The following FAAH2 variants were observed in gnomAD, a reference collection of about 807,000 sequenced individuals.
FAAH2 encodes fatty acid amide hydrolase 2.
Under a neutral mutation model 36.9 loss-of-function variants are expected in FAAH2, and 60 were observed. The ratio of observed to expected loss-of-function variants is 1.63; its 90% CI spans 1.32 to 2.02. The LOEUF (loss-of-function observed/expected upper bound fraction) is 2.02. Ranked by LOEUF, FAAH2 falls within the 30% of genes most tolerant of loss-of-function variation. The pLI is 0.00. For missense variants in FAAH2, 689 were observed against 397.5 expected (o/e 1.73, Z -6.23); for synonymous variants, 214 against 143.8 (o/e 1.49, Z -3.49).
At chrX:57,145,524 G>A in the FAAH2 span, among the ~76,000 whole-genome samples, 3 of 112,039 alleles carry the variant, frequency 2.7e-5, no homozygotes, top group African/African-American at 9.7e-5. Context: ...TTACTCTGAT[G>A]ACTGTTCCTT....
intron 5 of FAAH2, among the ~76,000 whole-genome samples, chrX:57,367,644 G>A (rs2054450854): frequency 1.8e-5 from 2 of 111,818 alleles, no homozygotes; most frequent in South Asian, 3.7e-4. Flanking sequence ...GCTCAGGATG[G>A]CTTCATAGAC....
At chrX:57,325,631 G>T (rs1019805822) in intron 3 of FAAH2, among the ~76,000 whole-genome samples, 1 of 98,170 alleles carries the variant, frequency 1.0e-5, no homozygotes, top group Non-Finnish European at 2.0e-5. Context: ...TTGCATACAG[G>T]TGTTTATAGT....
At chrX:57,203,590 C>T in the FAAH2 span, among the ~76,000 whole-genome samples, 5 of 112,022 alleles carry the variant, frequency 4.5e-5, no homozygotes, top group East Asian at 5.6e-4. Context: ...AGCTACTTCT[C>T]GCAGGAGTCG....
chrX:57,469,655 C>A (rs1446834072), intron 10 of FAAH2, among the ~76,000 whole-genome samples: 1 of 111,634 alleles, frequency 9.0e-6, no homozygotes, highest in East Asian at 2.8e-4. Flanking sequence ...TAATGGGAGA[C>A]TTTAACACCC....
At chrX:57,423,811 C>A (rs1484438517) in intron 7 of FAAH2, among the ~76,000 whole-genome samples, 1 of 111,041 alleles carries the variant, frequency 9.0e-6, no homozygotes, top group Non-Finnish European at 1.9e-5. Flanking sequence ...CAGGACCACG[C>A]CCCCAGGGAG....
the FAAH2 span, among the ~76,000 whole-genome samples, chrX:57,151,566 T>C: frequency 2.7e-5 from 3 of 112,352 alleles, no homozygotes; most frequent in African/African-American, 6.5e-5. Flanking sequence ...TCCTGAGTCT[T>C]CTGCATTGTT....
intron 7 of FAAH2, among the ~76,000 whole-genome samples, chrX:57,427,943 T>G (rs1316449786): frequency 1.8e-5 from 2 of 111,587 alleles, no homozygotes; most frequent in East Asian, 5.6e-4. Context: ...CCCTCTGAAT[T>G]TAAAAAGAAG....
intron 10 of FAAH2, among the ~76,000 whole-genome samples, chrX:57,477,693 A>T (rs1411155228): frequency 9.9e-6 from 1 of 100,944 alleles, no homozygotes; most frequent in Non-Finnish European, 2.0e-5. Flanking sequence ...CCTGTGCCCA[A>T]GTGTTCTCAT....
chrX:57,204,538 C>T, the FAAH2 span, among the ~76,000 whole-genome samples: 2 of 111,881 alleles, frequency 1.8e-5, no homozygotes, highest in African/African-American at 6.5e-5. Context: ...TTTCAGGTGG[C>T]TTGATGGTAT....
chrX:57,359,983 T>C (rs2054249847), intron 5 of FAAH2, among the ~76,000 whole-genome samples: 1 of 109,515 alleles, frequency 9.1e-6, no homozygotes, highest in Non-Finnish European at 1.9e-5. Context: ...TTTTTTTTTT[T>C]CTCAGCCCTT....
chrX:57,275,564 A>G, the FAAH2 span, among the ~76,000 whole-genome samples: 1 of 112,608 alleles, frequency 8.9e-6, no homozygotes, highest in African/African-American at 3.2e-5. Flanking sequence ...GATCAAATTC[A>G]CACATAACAA....
intron 1 of FAAH2, chrX:57,290,413 T>G (rs1356549765): frequency 2.9e-6 from 1 of 345,759 alleles, no homozygotes; most frequent in African/African-American, 2.9e-5. Flanking sequence ...TAACAAACAT[T>G]TACTGAAAAC....
chrX:57,337,340 G>C (rs1016196789), intron 4 of FAAH2, among the ~76,000 whole-genome samples: 2 of 108,759 alleles, frequency 1.8e-5, no homozygotes, highest in African/African-American at 6.7e-5. Flanking sequence ...AAGAGGAGCT[G>C]ATACCATTTC....
chrX:57,227,139 G>A, the FAAH2 span, among the ~76,000 whole-genome samples: 4 of 111,066 alleles, frequency 3.6e-5, no homozygotes, highest in African/African-American at 1.3e-4. Context: ...CTGACCTCCT[G>A]CTTTCTTTTT....
the FAAH2 span, among the ~76,000 whole-genome samples, chrX:57,208,844 G>A: frequency 3.1e-4 from 35 of 112,243 alleles, 1 homozygote; most frequent in South Asian, 0.012. Flanking sequence ...GGCACAGATC[G>A]CTCACGCTAT....
At chrX:57,394,881 G>A (rs1255443851) in intron 7 of FAAH2, 5 of 934,032 alleles carry the variant, frequency 5.4e-6, no homozygotes, top group African/African-American at 2.0e-5. Flanking sequence ...TCACGCATCA[G>A]GGCCCTGACT....
the FAAH2 span, among the ~76,000 whole-genome samples, chrX:57,124,810 G>C: frequency 8.9e-6 from 1 of 111,859 alleles, no homozygotes; most frequent in African/African-American, 3.3e-5. Flanking sequence ...CTGTTTGTCT[G>C]TTATTGATGT....
intron 7 of FAAH2, among the ~76,000 whole-genome samples, chrX:57,430,334 C>G (rs1485154542): frequency 5.4e-5 from 6 of 111,222 alleles, no homozygotes; most frequent in Non-Finnish European, 1.1e-4. Flanking sequence ...TTATTTTTCC[C>G]TAATTCTTCC....
intron 8 of FAAH2, among the ~76,000 whole-genome samples, chrX:57,437,901 A>C (rs1484727614): frequency 9.6e-6 from 1 of 103,632 alleles, no homozygotes; most frequent in East Asian, 3.0e-4. Flanking sequence ...ATATGTATAC[A>C]CATATATACA....
Sources: allele counts gnomAD v4.1 joint callset (sites outside exome capture counted in the v4.1 genomes callset), GRCh38; gene constraint gnomAD v4.1.1; transcripts MANE v1.5; gene names NCBI Gene and HGNC (gene_info 2026-07-23, HGNC 2026-07-21).